The following STARD13 variants were observed in gnomAD, a reference collection of about 807,000 sequenced individuals.
STARD13 encodes the protein stAR-related lipid transfer protein 13.
In STARD13, 62 loss-of-function variants were observed where a neutral mutation model predicts 106.4. The observed-to-expected ratio is 0.58, with a 90% CI of 0.48 to 0.72. The LOEUF (loss-of-function observed/expected upper bound fraction) is 0.72. STARD13 is among the 30% of genes least tolerant of loss of function. The pLI is 0.00. For missense variants in STARD13, 1,387 were observed against 1,424.0 expected, an observed-to-expected ratio of 0.97 and a Z score of 0.42; for synonymous variants, 565 against 553.0, an observed-to-expected ratio of 1.02 and a Z score of -0.31.
the STARD13 span, among the ~76,000 whole-genome samples, chr13:33,627,997 G>A: frequency 8.5e-4 from 124 of 145,582 alleles, no homozygotes; most frequent in Non-Finnish European, 1.3e-3. Context: ...ACGGAGTCTC[G>A]CTCTGTTGCC....
chr13:33,575,418 A>T, the STARD13 span, among the ~76,000 whole-genome samples: 1 of 152,234 alleles, frequency 6.6e-6, no homozygotes, highest in African/African-American at 2.4e-5. Context: ...AGGGAAAAGA[A>T]GAAATAGACA....
chr13:33,611,218 C>G, the STARD13 span: 1 of 152,298 alleles, frequency 6.6e-6, no homozygotes, highest in Non-Finnish European at 1.5e-5. Flanking sequence ...CTGGCAGGCT[C>G]CCCCAGTGCT....
At chr13:33,389,157 C>T in the STARD13 span, among the ~76,000 whole-genome samples, 17 of 151,814 alleles carry the variant, frequency 1.1e-4, no homozygotes, top group African/African-American at 4.1e-4. Flanking sequence ...GGGATTTCAC[C>T]ATGTTGGCCA....
Position 33,285,499 on chromosome 13 carries a change from C to T in STARD13, c.140G>A (p.Arg47His). 1 of 1,613,872 alleles carries T rather than the reference C, an allele frequency of 6.2e-7. No individual in the cohort carries two copies. Residue 47 changes from arginine to histidine, a missense_variant, in exon 1 of 14, where the codon CGC becomes CAC. Arg to His is a conservative substitution (Grantham distance 29). Transcript: ENST00000336934. ...SPYRMSRILARHQLVTKIQQE... is the reference protein window; with the variant it reads ...SPYRMSRILAHHQLVTKIQQE... ...TTGAATTTTAGTCACTAGCTGATGG[C>T]GTGCTAGAATCCGGCTCATCCTGTA... is the stretch of plus-strand genomic sequence containing the variant.
the STARD13 span, among the ~76,000 whole-genome samples, chr13:33,535,409 T>A: frequency 6.6e-6 from 1 of 152,170 alleles, no homozygotes; most frequent in Non-Finnish European, 1.5e-5. Context: ...TATAACAATT[T>A]CAAATTGATA....
At chr13:33,258,877 A>C (rs1477999183) in intron 1 of STARD13, among the ~76,000 whole-genome samples, 1 of 152,186 alleles carries the variant, frequency 6.6e-6, no homozygotes, top group Non-Finnish European at 1.5e-5. Flanking sequence ...AGCACATGAG[A>C]TCTTTCTCCT....
intron 7 of STARD13, among the ~76,000 whole-genome samples, chr13:33,121,714 G>C (rs1045017574): frequency 1.5e-5 from 2 of 135,628 alleles, no homozygotes; most frequent in African/African-American, 5.3e-5. Context: ...CTGTCTATCA[G>C]GGCTGGAGTG....
At chr13:33,673,839 G>T in the STARD13 span, among the ~76,000 whole-genome samples, 1 of 150,938 alleles carries the variant, frequency 6.6e-6, no homozygotes, top group Non-Finnish European at 1.5e-5. Context: ...GCTAGGCCCA[G>T]AATTATTAAC....
At chr13:33,578,032 GC>G in the STARD13 span, among the ~76,000 whole-genome samples, 3 of 152,078 alleles carry the variant, frequency 2.0e-5, no homozygotes, top group African/African-American at 7.2e-5. Flanking sequence ...TACATCCCTT[GC>G]TCATGGATTG....
chr13:33,438,451 AC>A, the STARD13 span, among the ~76,000 whole-genome samples: 1 of 152,194 alleles, frequency 6.6e-6, no homozygotes, highest in Non-Finnish European at 1.5e-5. Flanking sequence ...CTTATTTCCC[AC>A]TTAGCTGCCA....
intron 3 of STARD13, among the ~76,000 whole-genome samples, chr13:33,158,284 T>C (rs1282512384): frequency 2.6e-5 from 4 of 152,194 alleles, no homozygotes; most frequent in Non-Finnish European, 4.4e-5. Context: ...AGACATATCC[T>C]TAGTACAATA....
the STARD13 span, among the ~76,000 whole-genome samples, chr13:33,426,223 G>C: frequency 6.6e-6 from 1 of 152,150 alleles, no homozygotes; most frequent in Non-Finnish European, 1.5e-5. Flanking sequence ...TGTTTTTGGT[G>C]ATGCTTTGTT....
In STARD13 at chr13:33,167,536, G is replaced by C. The variant is rs760797256; in HGVS notation, c.241+15C>G. 5 of 1,613,566 alleles carry C rather than the reference G, an allele frequency of 3.1e-6. No homozygotes were observed. Among genetic ancestry groups the C allele is most frequent in the Non-Finnish European group, 4.2e-6 (5 of 1,179,496 alleles). On this transcript the variant is annotated intron_variant, in intron 2 of 13. Coordinates refer to ENST00000336934, the MANE Select transcript of STARD13 (RefSeq NM_178006.4). ...TTTATTCTCTGTGTAAGAGCGAAGC[G>C]AAGGGCTGACGTACCCTCATATAAC...
chr13:33,181,837 G>A (rs1347105673), intron 1 of STARD13, among the ~76,000 whole-genome samples: 1 of 152,124 alleles, frequency 6.6e-6, no homozygotes, highest in African/African-American at 2.4e-5. Context: ...TTTCTCTCTG[G>A]ATGGAATCTT....
chr13:33,564,997 A>AG, the STARD13 span, among the ~76,000 whole-genome samples: 3 of 146,368 alleles, frequency 2.0e-5, 1 homozygote, highest in Non-Finnish European at 4.5e-5. Flanking sequence ...TCAAAAAAAA[A>AG]AAAAAAAGAA....
At chr13:33,364,984 C>A in the STARD13 span, among the ~76,000 whole-genome samples, 1 of 152,110 alleles carries the variant, frequency 6.6e-6, no homozygotes, top group Non-Finnish European at 1.5e-5. Flanking sequence ...GGCTCAAATA[C>A]AACATATAAA....
chr13:33,126,268 A>G (rs1877157395), intron 6 of STARD13, 28 bp from the exon 7 acceptor site: 1 of 1,610,712 alleles, frequency 6.2e-7, no homozygotes, highest in Non-Finnish European at 8.5e-7. Context: ...CAGGTCATGC[A>G]AGCCTCCTGG....
At chr13:33,461,794 A>T in the STARD13 span, among the ~76,000 whole-genome samples, 1 of 152,190 alleles carries the variant, frequency 6.6e-6, no homozygotes, top group African/African-American at 2.4e-5. Context: ...TGCAAAATTT[A>T]AAACTGGGAA....
intron 3 of STARD13, among the ~76,000 whole-genome samples, chr13:33,161,561 C>A (rs375856948): frequency 6.6e-6 from 1 of 152,272 alleles, no homozygotes; most frequent in South Asian, 2.1e-4. Context: ...GACATCCACC[C>A]ACCTCAGCCT....
Sources: allele counts gnomAD v4.1 joint callset (sites outside exome capture counted in the v4.1 genomes callset), GRCh38; gene constraint gnomAD v4.1.1; transcripts MANE v1.5; gene names NCBI Gene and HGNC (gene_info 2026-07-23, HGNC 2026-07-21).